RPS6KC1: variants seen among roughly 807,000 people sequenced by gnomAD.
The protein encoded by RPS6KC1 is ribosomal protein S6 kinase C1.
Under a neutral mutation model 103.8 loss-of-function variants are expected in RPS6KC1, and 54 were observed. That is an observed-to-expected ratio of 0.52 (90% CI 0.42 to 0.65). RPS6KC1 has a LOEUF of 0.65. RPS6KC1 is among the 30% of genes least tolerant of loss of function. The pLI is 0.00. For missense variants in RPS6KC1, 1,151 were observed against 1,253.8 expected, an observed-to-expected ratio of 0.92 and a Z score of 1.24; for synonymous variants, 439 against 438.7, an observed-to-expected ratio of 1.00 and a Z score of -0.01.
At chr1:213,596,793 T>C in the RPS6KC1 span, among the ~76,000 whole-genome samples, 1 of 152,276 alleles carries the variant, frequency 6.6e-6, no homozygotes, top group Non-Finnish European at 1.5e-5. Flanking sequence ...AATCCAGCAC[T>C]ATGCCAAGAG....
chr1:213,829,985 G>A, the RPS6KC1 span, among the ~76,000 whole-genome samples: 30 of 152,154 alleles, frequency 2.0e-4, no homozygotes, highest in Non-Finnish European at 3.8e-4. Flanking sequence ...CCGAGACTTT[G>A]CATACATTTT....
chr1:213,118,362 T>C (rs931211528), intron 5 of RPS6KC1, among the ~76,000 whole-genome samples: 8 of 152,008 alleles, frequency 5.3e-5, no homozygotes, highest in African/African-American at 1.9e-4. Flanking sequence ...AAAATCAAAA[T>C]AGATAATTAG....
At chr1:213,219,655 T>C (rs530897436) in intron 8 of RPS6KC1, among the ~76,000 whole-genome samples, 1 of 152,268 alleles carries the variant, frequency 6.6e-6, no homozygotes, top group South Asian at 2.1e-4. Context: ...GTGGCACATA[T>C]ACACCATGGA....
chr1:213,151,290 C>T (rs1475931668), intron 6 of RPS6KC1, among the ~76,000 whole-genome samples: 15 of 113,418 alleles, frequency 1.3e-4, no homozygotes, highest in African/African-American at 3.2e-4. Flanking sequence ...CCAGTAGGGG[C>T]GGCCGGGCAG....
the RPS6KC1 span, among the ~76,000 whole-genome samples, chr1:213,363,723 T>G: frequency 1.4e-3 from 172 of 126,614 alleles, 30 homozygotes; most frequent in African/African-American, 3.2e-3. Context: ...TCTTTCTTTC[T>G]TTCGTTCTTT....
chr1:213,492,448 T>A, the RPS6KC1 span: 1 of 152,232 alleles, frequency 6.6e-6, no homozygotes, highest in Non-Finnish European at 1.5e-5. Flanking sequence ...GAGGCTCCTG[T>A]TTGTTCAGAA....
chr1:213,242,724 A>G, intron 12 of RPS6KC1, 66 bp downstream of exon 12: 1 of 1,197,886 alleles, frequency 8.3e-7, no homozygotes, highest in East Asian at 2.5e-5. Context: ...TTCTTTATAG[A>G]AGTTGTATTT....
At chr1:213,145,355 G>GGC (rs2087617666) in intron 6 of RPS6KC1, among the ~76,000 whole-genome samples, 3 of 152,134 alleles carry the variant, frequency 2.0e-5, no homozygotes, top group Non-Finnish European at 4.4e-5. Context: ...TAGGAAGAAT[G>GGC]AAGTTAGAGT....
the RPS6KC1 span, among the ~76,000 whole-genome samples, chr1:213,804,173 T>TAAAAA: frequency 3.5e-3 from 204 of 57,818 alleles, 4 homozygotes; most frequent in African/African-American, 8.7e-3. Context: ...TGGCTAATCT[T>TAAAAA]AAAAAAAAAA....
At chr1:213,734,901 TTTGTTG>T in the RPS6KC1 span, among the ~76,000 whole-genome samples, 823 of 150,996 alleles carry the variant, frequency 5.5e-3, 7 homozygotes, top group African/African-American at 0.019. Flanking sequence ...GTCAAGTGAG[TTTGTTG>T]TTGTTGTTGT....
chr1:213,392,297 G>A, the RPS6KC1 span, among the ~76,000 whole-genome samples: 2 of 152,086 alleles, frequency 1.3e-5, no homozygotes, highest in East Asian at 3.9e-4. Flanking sequence ...AGTGTGAGTA[G>A]GGAAGGCAGG....
At chr1:213,201,565 C>A (rs140389919) in intron 8 of RPS6KC1, among the ~76,000 whole-genome samples, 60 of 152,174 alleles carry the variant, frequency 3.9e-4, no homozygotes, top group African/African-American at 1.4e-3. Context: ...AAGATAGAAC[C>A]CTAATAGAAA....
At chr1:213,437,969 G>A in the RPS6KC1 span, among the ~76,000 whole-genome samples, 1 of 151,594 alleles carries the variant, frequency 6.6e-6, no homozygotes. Flanking sequence ...TTTGATTTAT[G>A]TTATTTATAA....
At chr1:213,834,403 T>C in the RPS6KC1 span, among the ~76,000 whole-genome samples, 3 of 152,204 alleles carry the variant, frequency 2.0e-5, no homozygotes, top group Non-Finnish European at 4.4e-5. Context: ...GCTCCAAAAC[T>C]GGTCCACATA....
chr1:213,790,235 T>C, the RPS6KC1 span, among the ~76,000 whole-genome samples: 1 of 152,190 alleles, frequency 6.6e-6, no homozygotes, highest in Non-Finnish European at 1.5e-5. Flanking sequence ...TATACCTGAT[T>C]CTTATTTACC....
At chr1:213,772,287 C>T in the RPS6KC1 span, among the ~76,000 whole-genome samples, 1 of 152,154 alleles carries the variant, frequency 6.6e-6, no homozygotes, top group African/African-American at 2.4e-5. Flanking sequence ...CTGGTGGATT[C>T]CACCATCTCG....
At chr1:213,725,947 A>T in the RPS6KC1 span, among the ~76,000 whole-genome samples, 1 of 152,176 alleles carries the variant, frequency 6.6e-6, no homozygotes, top group African/African-American at 2.4e-5. Flanking sequence ...TTAATTTTAA[A>T]TTGGAACGGA....
At chr1:213,434,969 T>G in the RPS6KC1 span, among the ~76,000 whole-genome samples, 1 of 152,316 alleles carries the variant, frequency 6.6e-6, no homozygotes, top group African/African-American at 2.4e-5. Context: ...TCAAGTAATT[T>G]TTCTCTTTCT....
intron 8 of RPS6KC1, among the ~76,000 whole-genome samples, chr1:213,216,613 A>G (rs1436749596): frequency 3.9e-5 from 6 of 152,220 alleles, no homozygotes; most frequent in African/African-American, 1.4e-4. Context: ...TTGACCACAT[A>G]CTTGGAAGTA....
Sources: allele counts gnomAD v4.1 joint callset (sites outside exome capture counted in the v4.1 genomes callset), GRCh38; gene constraint gnomAD v4.1.1; transcripts MANE v1.5; gene names NCBI Gene and HGNC (gene_info 2026-07-23, HGNC 2026-07-21).